The following HSPA4L variants were observed in gnomAD, a reference collection of about 807,000 sequenced individuals.
The protein encoded by HSPA4L is heat shock protein family A (Hsp70) member 4 like.
In HSPA4L, 48 loss-of-function variants were observed where a neutral mutation model predicts 100.3. The observed-to-expected ratio is 0.48, with a 90% CI of 0.38 to 0.61. The LOEUF (loss-of-function observed/expected upper bound fraction) is 0.61. Ranked by LOEUF, HSPA4L falls within the 20% of genes least tolerant of loss-of-function variation. The probability of loss-of-function intolerance (pLI) is 0.00; values close to 1 mark genes in which losing one functional copy is unlikely to be tolerated. For synonymous variants in HSPA4L, 319 were observed against 328.2 expected (o/e 0.97, Z 0.30); for missense variants, 886 against 988.6 (o/e 0.90, Z 1.39).
At chr4:127,790,990 G>C (rs1440255716) in intron 1 of HSPA4L, among the ~76,000 whole-genome samples, 2 of 151,932 alleles carry the variant, frequency 1.3e-5, no homozygotes, top group Non-Finnish European at 2.9e-5. Flanking sequence ...AGTCCTAGTT[G>C]CTCAGGAGGC....
chr4:127,819,579 T>C (rs1049733271), intron 13 of HSPA4L, among the ~76,000 whole-genome samples: 3 of 152,180 alleles, frequency 2.0e-5, no homozygotes, highest in Admixed American at 6.5e-5. Context: ...ATCATCACAA[T>C]TTTAGAATAT....
At chr4:127,819,450 CT>C (rs951299300) in intron 13 of HSPA4L, among the ~76,000 whole-genome samples, 5 of 152,044 alleles carry the variant, frequency 3.3e-5, no homozygotes, top group Admixed American at 2.0e-4. Context: ...AACCTGGAAA[CT>C]TTTTTTCTGA....
rs936995685 is a variant in HSPA4L, at chr4:127,803,942, T to C, written c.908+69T>C. On this transcript the variant is annotated intron_variant, in intron 7 of 18. Coordinates refer to ENST00000296464, the MANE Select transcript of HSPA4L (RefSeq NM_014278.4). ...TAATGTTTAGATCACGTCTGATTTG[T>C]TTGTTGTTTTAGAAGATACGCTCAA... 20 of 1,607,470 alleles carry C rather than the reference T, an allele frequency of 1.2e-5. No homozygotes were observed. The African/African-American group carries it at 2.0e-4, about 16-fold the overall frequency.
Position 127,835,684 on chromosome 4 carries a change from C to A in HSPA4L, c.*2810C>A, listed in dbSNP as rs1249591875. 6.6e-6 allele frequency: 1 copy of A among 151,300 alleles called. No individual in the cohort carries two copies. Among genetic ancestry groups the A allele is most frequent in the African/African-American group, 2.4e-5 (1 of 41,186 alleles). 9.4% of individuals were successfully genotyped at this position (151,300 alleles called of 1,614,324 possible). On this transcript the variant is annotated 3_prime_UTR_variant, in exon 19 of 19. Transcript: ENST00000296464. Reference sequence around the variant, plus strand: ...TGCTCCTGCACTCCAGCCTGGGCAACAGAACAAGACTCCGTCTCAAAAAAA... The same window carrying A: ...TGCTCCTGCACTCCAGCCTGGGCAAAAGAACAAGACTCCGTCTCAAAAAAA...
chr4:127,793,962 A>T (rs112318716), intron 1 of HSPA4L, 115 bp from the exon 2 acceptor site: 15 of 595,824 alleles, frequency 2.5e-5, no homozygotes, highest in African/African-American at 1.4e-4. Context: ...CTATTTTTAA[A>T]ATAATATATG....
chr4:127,815,951 TAGAA>T (rs1217691951), intron 12 of HSPA4L, among the ~76,000 whole-genome samples: 2 of 152,080 alleles, frequency 1.3e-5, no homozygotes, highest in Admixed American at 6.6e-5. Context: ...GAATAACAAA[TAGAA>T]AGGCACTGAG....
Position 127,813,173 on chromosome 4 carries a change from C to G in HSPA4L, c.1578+1537C>G, listed in dbSNP as rs374880681. On this transcript the variant is annotated intron_variant, in intron 12 of 18. Coordinates refer to ENST00000296464, the MANE Select transcript of HSPA4L (RefSeq NM_014278.4). ...GGCCTAGAGAACATATATCGGGTGC[C>G]TCTCCTCTTTCCCTTTGTGTTCGTC... 8 of 1,434,006 alleles carry G rather than the reference C, an allele frequency of 5.6e-6. No individual in the cohort carries two copies. The East Asian group carries it at 6.8e-5, about 12-fold the overall frequency. 88.8% of individuals were successfully genotyped at this position (1,434,006 alleles called of 1,614,324 possible).
intron 1 of HSPA4L, among the ~76,000 whole-genome samples, chr4:127,784,458 G>A (rs1732655721): frequency 6.6e-6 from 1 of 152,234 alleles, no homozygotes; most frequent in African/African-American, 2.4e-5. Flanking sequence ...ATATTCGCTG[G>A]TTCTGTGTGG....
chr4:127,810,709 G>A (rs889466960), intron 11 of HSPA4L, among the ~76,000 whole-genome samples: 3 of 152,158 alleles, frequency 2.0e-5, no homozygotes, highest in African/African-American at 7.2e-5. Context: ...AGTGACCTAT[G>A]ATCCTGCCAC....
At position 127,840,696 on chromosome 4, in the gene HSPA4L, T is replaced by C. The variant is rs1578732685; in HGVS notation, c.*7822T>C. ...GTACACATTGTTAACAATCGTGTAA[T>C]TATAATAAATATGTCTACCTACTCC... On this transcript the variant is annotated 3_prime_UTR_variant, in exon 19 of 19. Coordinates refer to ENST00000296464, the MANE Select transcript of HSPA4L (RefSeq NM_014278.4). 2 of 152,208 alleles carry C rather than the reference T, an allele frequency of 1.3e-5. No homozygotes were observed. Among genetic ancestry groups the C allele is most frequent in the Admixed American group, 6.5e-5 (1 of 15,280 alleles). The allele number at this position is 152,208 out of a possible 1,614,324, so 9.4% of individuals were successfully genotyped here. A position where few individuals can be genotyped will look rare whatever the true frequency, so the allele number is the denominator to read the frequency against.
chr4:127,827,936 A>G (rs964242977), intron 17 of HSPA4L, among the ~76,000 whole-genome samples: 1 of 152,098 alleles, frequency 6.6e-6, no homozygotes, highest in Non-Finnish European at 1.5e-5. Flanking sequence ...TCCACTGTCA[A>G]ATATGTAGTT....
At chr4:127,830,015 G>A (rs1184464085) in intron 17 of HSPA4L, among the ~76,000 whole-genome samples, 3 of 151,894 alleles carry the variant, frequency 2.0e-5, no homozygotes, top group African/African-American at 4.8e-5. Flanking sequence ...ATAGCTTTAT[G>A]GTTTTAAAAA....
At chr4:127,816,394 A>G (rs1223924787) in intron 12 of HSPA4L, among the ~76,000 whole-genome samples, 2 of 152,138 alleles carry the variant, frequency 1.3e-5, no homozygotes, top group African/African-American at 4.8e-5. Context: ...TTTTAAATGT[A>G]TCTTAGTCTT....
rs773629690 is a variant in HSPA4L at position 127,830,685 on chromosome 4, A to G, written c.2214A>G (p.Glu738=). ...HLDPTEMEKV[E]KCISDAMSWL... is the part of the protein sequence containing the mutation. ...ATCCTACTGAAATGGAAAAGGTTGA[A>G]AAATGTATCAGTGATGCCATGAGTT... is the stretch of plus-strand genomic sequence containing the variant. Residue 738 remains glutamate (E), a synonymous_variant, in exon 18 of 19, where the codon GAA becomes GAG. Transcript: ENST00000296464. 1.2e-5 allele frequency: 19 copies of G among 1,608,508 alleles called. No homozygotes were observed. Among genetic ancestry groups the G allele is most frequent in the Middle Eastern group, 1.6e-4 (1 of 6,066 alleles).
At chr4:127,791,488 C>G (rs1442095156) in intron 1 of HSPA4L, among the ~76,000 whole-genome samples, 1 of 152,222 alleles carries the variant, frequency 6.6e-6, no homozygotes, top group Non-Finnish European at 1.5e-5. Flanking sequence ...AAGCACATCT[C>G]AATTCAGACT....
intron 10 of HSPA4L, 40 bp from the exon 11 acceptor site, chr4:127,807,956 T>G: frequency 6.3e-7 from 1 of 1,580,490 alleles, no homozygotes; most frequent in Non-Finnish European, 8.6e-7. Context: ...ATAGGCAACT[T>G]TCTATTTGTT....
intron 13 of HSPA4L, among the ~76,000 whole-genome samples, chr4:127,819,018 G>T (rs1257191203): frequency 6.6e-6 from 1 of 151,698 alleles, no homozygotes; most frequent in Non-Finnish European, 1.5e-5. Flanking sequence ...GAATACATAA[G>T]TTAAAATCTT....
rs912320299 is a variant in HSPA4L at position 127,783,432 on chromosome 4, C to T, written c.107+775C>T. On this transcript the variant is annotated intron_variant, in intron 1 of 18. Coordinates refer to ENST00000296464, the MANE Select transcript of HSPA4L (RefSeq NM_014278.4). ...TTGCCGGAGTCGGGGGCAGCTGTCC[C>T]GTATAAACATGACTGTGGAGTGATT... The T allele has an allele frequency of 6.3e-6, 8 of 1,262,312 alleles. No homozygotes were observed. The South Asian group carries it at 1.2e-4, about 19-fold the overall frequency. 78.2% of individuals were successfully genotyped at this position (1,262,312 alleles called of 1,614,324 possible). A position where few individuals can be genotyped will look rare whatever the true frequency, so the allele number is the denominator to read the frequency against.
intron 1 of HSPA4L, among the ~76,000 whole-genome samples, chr4:127,792,571 T>C (rs1388509400): frequency 1.3e-5 from 2 of 152,182 alleles, no homozygotes; most frequent in Admixed American, 1.3e-4. Context: ...TTCTAGTTAA[T>C]TGAAATTGTA....
Sources: allele counts gnomAD v4.1 joint callset (sites outside exome capture counted in the v4.1 genomes callset), GRCh38; gene constraint gnomAD v4.1.1; transcripts MANE v1.5; gene names NCBI Gene and HGNC (gene_info 2026-07-23, HGNC 2026-07-21).